Variants in TXNRD2 observed in about 807,000 individuals in gnomAD.
TXNRD2 encodes the protein thioredoxin reductase 2.
TXNRD2 carries 67 observed loss-of-function variants against 70.8 expected under a neutral mutation model. The ratio of observed to expected loss-of-function variants is 0.95; its 90% confidence interval spans 0.78 to 1.16. The LOEUF is 1.16. Ranked by LOEUF, TXNRD2 falls within the 50% of genes most tolerant of loss-of-function variation. TXNRD2 has a pLI of 0.00. For missense variants in TXNRD2, 644 were observed against 719.9 expected (o/e 0.89, Z 1.21); for synonymous variants, 301 against 295.8 (o/e 1.02, Z -0.18).
At chr22:19,904,054 G>A (rs772994213) in intron 8 of TXNRD2, among the ~76,000 whole-genome samples, 114 of 152,360 alleles carry the variant, frequency 7.5e-4, no homozygotes, top group Non-Finnish European at 1.4e-3. Flanking sequence ...CTGCATGGCA[G>A]AGGCGGAGCA....
chr22:19,941,797 C>CCGCCATCGT lies in TXNRD2; in HGVS notation c.-3_6dup (p.Ala2_Ala3insThrMetAla). ...AATCCCCGCAGCGCCACCGCCATTG[C>CCGCCATCGT]CGCCATCGTCGTGGGGCTTCTGGGG... On this transcript the variant is annotated inframe_insertion, in exon 1 of 18. Transcript: ENST00000400521. The CCGCCATCGT allele has an allele frequency of 6.5e-7, 1 of 1,534,964 alleles. No individual in the cohort carries two copies. The highest frequency in any genetic ancestry group is 8.7e-7 in the Non-Finnish European group (1 of 1,151,830).
intron 11 of TXNRD2, among the ~76,000 whole-genome samples, chr22:19,890,657 G>A (rs957647047): frequency 4.6e-5 from 7 of 152,144 alleles, no homozygotes; most frequent in Non-Finnish European, 8.8e-5. Flanking sequence ...AGGAGGAGCC[G>A]CCCCTTCCCT....
chr22:19,915,714 A>T lies in TXNRD2; in HGVS notation c.528+51T>A, dbSNP rs552370773. 5 of 1,537,078 alleles carry T rather than the reference A, an allele frequency of 3.3e-6. No homozygotes were observed. In the South Asian group the frequency reaches 4.5e-5, roughly 14 times the overall value. On this transcript the variant is annotated intron_variant, in intron 6 of 17. Coordinates refer to ENST00000400521, the MANE Select transcript of TXNRD2 (RefSeq NM_006440.5). The stretch of plus-strand genomic sequence containing the variant: ...CAAACACAGCTGCAGTTGGTGCCCA[A>T]GGTCTGCAGAAGGGTCCACAAGGAG...
At chr22:19,899,760 T>A (rs1320005320) in intron 8 of TXNRD2, among the ~76,000 whole-genome samples, 5 of 152,212 alleles carry the variant, frequency 3.3e-5, no homozygotes, top group Non-Finnish European at 7.3e-5. Context: ...TGCATGCACA[T>A]ACTCTTACAC....
intron 8 of TXNRD2, among the ~76,000 whole-genome samples, chr22:19,903,381 C>T (rs140106907): frequency 5.5e-4 from 84 of 152,366 alleles, no homozygotes; most frequent in African/African-American, 1.9e-3. Flanking sequence ...GAAAGCGGAC[C>T]TACAGACACA....
intron 2 of TXNRD2, among the ~76,000 whole-genome samples, chr22:19,921,690 G>A (rs1377426577): frequency 6.6e-6 from 1 of 152,180 alleles, no homozygotes; most frequent in African/African-American, 2.4e-5. Context: ...AGAACTGGGG[G>A]AGACTGAGGC....
chr22:19,895,332 C>G lies in TXNRD2; in HGVS notation c.949+75G>C, dbSNP rs1939452715. On this transcript the variant is annotated intron_variant, in intron 11 of 17. Coordinates refer to ENST00000400521, the MANE Select transcript of TXNRD2 (RefSeq NM_006440.5). ...AGGATGGGGGAGCCCTGGGAGGTGACAGGAAGTGGGGCAAAGATTCTCCAT... is the reference window on the plus strand; with the variant it reads ...AGGATGGGGGAGCCCTGGGAGGTGAGAGGAAGTGGGGCAAAGATTCTCCAT... 10 of 1,607,346 alleles carry G rather than the reference C, an allele frequency of 6.2e-6. No homozygotes were observed. In the South Asian group the frequency reaches 9.9e-5, roughly 16 times the overall value.
At chr22:19,895,174 T>A (rs1459149060) in intron 11 of TXNRD2, 3 of 1,598,210 alleles carry the variant, frequency 1.9e-6, no homozygotes, top group Non-Finnish European at 2.5e-6. Flanking sequence ...CCCACGGTGG[T>A]GGGGAGACAC....
At chr22:19,928,168 GA>G (rs1175740842) in intron 2 of TXNRD2, among the ~76,000 whole-genome samples, 2 of 151,014 alleles carry the variant, frequency 1.3e-5, no homozygotes, top group Non-Finnish European at 2.9e-5. Context: ...TAAAAGAAAT[GA>G]AAAAATACCT....
intron 1 of TXNRD2, chr22:19,932,345 G>A (rs762149330): frequency 6.2e-7 from 1 of 1,612,538 alleles, no homozygotes; most frequent in Admixed American, 1.7e-5. Flanking sequence ...GCTGGTTGTG[G>A]TGTCGCCTCA....
intron 2 of TXNRD2, among the ~76,000 whole-genome samples, chr22:19,921,810 C>T (rs755768792): frequency 6.6e-6 from 1 of 152,180 alleles, no homozygotes; most frequent in African/African-American, 2.4e-5. Flanking sequence ...ACAGAACCAC[C>T]TGGAAGGACT....
At position 19,895,451 on chromosome 22, in the gene TXNRD2, C is replaced by G; in HGVS notation, c.905G>C (p.Gly302Ala). The part of the protein sequence containing the change: ...LQVTWEDSTT[G>A]KEDTGTFDTV... ...GTCAAAGGTGCCCGTGTCCTCCTTGCCGGTGGTGCTGTCCTCCCAGGTGAC... is the reference window on the plus strand; with the variant it reads ...GTCAAAGGTGCCCGTGTCCTCCTTGGCGGTGGTGCTGTCCTCCCAGGTGAC... Residue 302 changes from glycine (G) to alanine (A), a missense_variant, in exon 11 of 18, where the codon GGC (glycine) becomes GCC (alanine). Coordinates refer to ENST00000400521, the MANE Select transcript of TXNRD2 (RefSeq NM_006440.5). 1.9e-6 allele frequency: 3 copies of G among 1,613,972 alleles called. No homozygotes were observed. Among genetic ancestry groups the G allele is most frequent in the Non-Finnish European group, 2.5e-6 (3 of 1,180,004 alleles).
chr22:19,906,674 T>C (rs755320073), intron 8 of TXNRD2, among the ~76,000 whole-genome samples: 14 of 152,086 alleles, frequency 9.2e-5, no homozygotes, highest in Admixed American at 4.6e-4. Flanking sequence ...GAAAAAGTGA[T>C]TGGTGTGACA....
intron 11 of TXNRD2, among the ~76,000 whole-genome samples, chr22:19,888,492 C>A (rs1939125223): frequency 1.3e-5 from 2 of 152,262 alleles, no homozygotes; most frequent in African/African-American, 4.8e-5. Context: ...TGATTTCACG[C>A]CCGCCTGGGA....
rs747273077 is a variant in TXNRD2 at position 19,941,782 on chromosome 22, G to C, written c.22C>G (p.Leu8Val). The part of the protein sequence containing the change: MAAMAVA[L>V]RGLGGRFRWR... Reference sequence around the variant, plus strand: ...CGGAAGCGCCCTCCTAATCCCCGCAGCGCCACCGCCATTGCCGCCATCGTC... The same window carrying C: ...CGGAAGCGCCCTCCTAATCCCCGCACCGCCACCGCCATTGCCGCCATCGTC... The change falls in exon 1 of 18, where the codon CTG (leucine) becomes GTG (valine). Residue 8 changes from leucine to valine, a missense_variant. Coordinates refer to ENST00000400521, the MANE Select transcript of TXNRD2 (RefSeq NM_006440.5). 8 of 1,528,840 alleles carry C rather than the reference G, an allele frequency of 5.2e-6. No homozygotes were observed. The highest frequency in any genetic ancestry group is 7.0e-6 in the Non-Finnish European group (8 of 1,148,136). The allele number at this position is 1,528,840 out of a possible 1,614,324, so 94.7% of individuals were successfully genotyped here.
At chr22:19,924,600 A>G (rs761266462) in intron 2 of TXNRD2, among the ~76,000 whole-genome samples, 2 of 152,230 alleles carry the variant, frequency 1.3e-5, no homozygotes, top group Non-Finnish European at 2.9e-5. Flanking sequence ...CTCAAGCTGG[A>G]TTGTAGAGAT....
chr22:19,902,250 G>A (rs1939810529), intron 8 of TXNRD2, among the ~76,000 whole-genome samples: 1 of 152,200 alleles, frequency 6.6e-6, no homozygotes, highest in Non-Finnish European at 1.5e-5. Flanking sequence ...AGCTCTCTGT[G>A]CTTTTTGGTG....
intron 11 of TXNRD2, among the ~76,000 whole-genome samples, chr22:19,884,912 C>T (rs1938954694): frequency 6.6e-6 from 1 of 152,212 alleles, no homozygotes; most frequent in East Asian, 1.9e-4. Context: ...CTAGAGACCT[C>T]AGGGCCAAGG....
intron 8 of TXNRD2, chr22:19,902,867 C>T: frequency 2.1e-6 from 1 of 487,484 alleles, no homozygotes; most frequent in Non-Finnish European, 4.1e-6. Context: ...GGCTGTGGTT[C>T]TTCCCAAGAT....
Sources: gnomAD v4.1 joint callset for allele counts (sites outside exome capture counted in the v4.1 genomes callset) on GRCh38, gnomAD v4.1.1 for gene constraint, MANE v1.5 for transcripts, NCBI Gene and HGNC (gene_info 2026-07-23, HGNC 2026-07-21) for gene names.